The following MCCC1 variants were observed in gnomAD, a reference collection of about 807,000 sequenced individuals.
MCCC1 encodes methylcrotonyl-CoA carboxylase subunit 1, also known as methylcrotonoyl-CoA carboxylase subunit alpha, mitochondrial.
Under a neutral mutation model 83.8 loss-of-function variants are expected in MCCC1, and 64 were observed. That is an observed-to-expected ratio of 0.76 (90% confidence interval 0.62 to 0.94). The LOEUF (loss-of-function observed/expected upper bound fraction) is 0.94, where lower values mean the gene tolerates loss of function less well. Ranked by LOEUF, MCCC1 falls within the 40% of genes least tolerant of loss-of-function variation. The pLI, the probability that MCCC1 is intolerant of heterozygous loss-of-function variation, is 0.00. For missense variants in MCCC1, 807 were observed against 904.7 expected (o/e 0.89, Z 1.39); for synonymous variants, 322 against 315.4 (o/e 1.02, Z -0.22).
intron 4 of MCCC1, among the ~76,000 whole-genome samples, chr3:183,072,891 G>C (rs146815947): frequency 1.3e-5 from 2 of 152,210 alleles, no homozygotes; most frequent in African/African-American, 4.8e-5. Context: ...TTTACTTTCT[G>C]TTTATGAATT....
At position 183,099,409 on chromosome 3, in the gene MCCC1, A is replaced by G. The variant is rs778620637; in HGVS notation, c.32T>C (p.Leu11Pro). Residue 11 changes from leucine to proline, a missense_variant, in exon 1 of 19, where the codon CTG becomes CCG. Leu to Pro is a moderately conservative substitution (Grantham distance 98). Transcript: ENST00000265594. MAAASAVSVL[L>P]VAAERNRWHR... ...CCACCGGTTCCTCTCCGCCGCCACC[A>G]GCAGCACCGACACCGCAGAGGCCGC... The G allele has an allele frequency of 1.1e-5, 18 of 1,607,734 alleles. No individual in the cohort carries two copies. Among genetic ancestry groups the G allele is most frequent in the Non-Finnish European group, 1.5e-5 (18 of 1,178,282 alleles).
chr3:183,034,630 A>C (rs2108464108), intron 13 of MCCC1, among the ~76,000 whole-genome samples: 1 of 152,324 alleles, frequency 6.6e-6, no homozygotes, highest in Non-Finnish European at 1.5e-5. Flanking sequence ...CTCTAATCCC[A>C]TAGTGGCATA....
At chr3:183,021,864 G>A (rs999475083) in intron 16 of MCCC1, among the ~76,000 whole-genome samples, 3 of 152,182 alleles carry the variant, frequency 2.0e-5, no homozygotes, top group Admixed American at 6.5e-5. Flanking sequence ...TGCCCAGGCC[G>A]AAGGTTAAGG....
intron 16 of MCCC1, among the ~76,000 whole-genome samples, chr3:183,021,191 G>A (rs932047024): frequency 2.6e-5 from 4 of 152,096 alleles, no homozygotes; most frequent in Non-Finnish European, 5.9e-5. Flanking sequence ...ACATCATGTC[G>A]TGAATCATCA....
At chr3:183,092,693 A>G in intron 2 of MCCC1, 148 bp from the exon 3 acceptor site, 1 of 870,930 alleles carries the variant, frequency 1.1e-6, no homozygotes, top group South Asian at 1.6e-5. Flanking sequence ...CAAAATGACC[A>G]CTTTAACTAA....
chr3:183,052,485 C>T (rs199980776), intron 8 of MCCC1, among the ~76,000 whole-genome samples: 1 of 152,254 alleles, frequency 6.6e-6, no homozygotes, highest in African/African-American at 2.4e-5. Context: ...CTGGTGTCAA[C>T]AAAACGACTT....
intron 16 of MCCC1, among the ~76,000 whole-genome samples, chr3:183,020,743 C>T (rs1009587072): frequency 2.8e-4 from 42 of 152,044 alleles, no homozygotes; most frequent in African/African-American, 9.4e-4. Context: ...AAAGGCGTAA[C>T]GGTATACATG....
At chr3:183,087,761 C>G (rs889209980) in intron 3 of MCCC1, among the ~76,000 whole-genome samples, 3 of 121,654 alleles carry the variant, frequency 2.5e-5, no homozygotes, top group African/African-American at 9.7e-5. Context: ...GTCCCAGCTA[C>G]TCGGGAGGCT....
chr3:183,016,958 G>A (rs554888964), intron 18 of MCCC1: 2 of 417,530 alleles, frequency 4.8e-6, no homozygotes, highest in South Asian at 4.6e-5. Context: ...AACACCAACA[G>A]TTAACATTCA....
intron 14 of MCCC1, among the ~76,000 whole-genome samples, chr3:183,028,897 A>C (rs1257507852): frequency 6.6e-6 from 1 of 152,252 alleles, no homozygotes. Context: ...ACATTGAGGC[A>C]AGACCCTATG....
At chr3:183,078,708 G>C (rs1227034909) in intron 4 of MCCC1, among the ~76,000 whole-genome samples, 1 of 152,118 alleles carries the variant, frequency 6.6e-6, no homozygotes, top group Non-Finnish European at 1.5e-5. Context: ...TTCTGAATTT[G>C]ATGGAACTTT....
chr3:183,020,367 CA>C (rs1226877022), intron 16 of MCCC1, 130 bp from the exon 17 acceptor site: 1 of 795,186 alleles, frequency 1.3e-6, no homozygotes, highest in Non-Finnish European at 2.1e-6. Flanking sequence ...CCCAGTGGCT[CA>C]CGATTGTAAA....
intron 8 of MCCC1, among the ~76,000 whole-genome samples, chr3:183,054,476 C>T (rs1315097908): frequency 6.6e-6 from 1 of 152,206 alleles, no homozygotes; most frequent in African/African-American, 2.4e-5. Context: ...CGTGAGCCAC[C>T]GCGCCCGGCC....
chr3:183,093,997 A>G (rs926465208), intron 2 of MCCC1, among the ~76,000 whole-genome samples: 1 of 152,030 alleles, frequency 6.6e-6, no homozygotes, highest in African/African-American at 2.4e-5. Context: ...GAACAAACGA[A>G]TATAAAATGT....
chr3:183,101,927 C>T (rs374069020), upstream of MCCC1, among the ~76,000 whole-genome samples: 9 of 152,252 alleles, frequency 5.9e-5, no homozygotes, highest in South Asian at 2.1e-4. Context: ...AGGTCTGCAG[C>T]TTCACTCCTG....
intron 4 of MCCC1, among the ~76,000 whole-genome samples, chr3:183,077,012 C>T (rs1717125966): frequency 6.6e-6 from 1 of 152,120 alleles, no homozygotes; most frequent in Non-Finnish European, 1.5e-5. Context: ...CTGGCTCTGT[C>T]ACTGAACGTA....
chr3:183,075,051 T>A (rs530932213), intron 4 of MCCC1, among the ~76,000 whole-genome samples: 2 of 152,376 alleles, frequency 1.3e-5, no homozygotes, highest in South Asian at 4.1e-4. Flanking sequence ...TGTGATCTTA[T>A]GCTTTATTAT....
At chr3:183,101,038 C>T (rs527549061), upstream of MCCC1, among the ~76,000 whole-genome samples, 3 of 152,380 alleles carry the variant, frequency 2.0e-5, no homozygotes, top group Non-Finnish European at 4.4e-5. Context: ...ACTTAGCACC[C>T]GGGCCAGTGG....
intron 1 of MCCC1, among the ~76,000 whole-genome samples, chr3:183,098,220 C>T (rs896779462): frequency 1.3e-5 from 2 of 152,236 alleles, no homozygotes; most frequent in African/African-American, 2.4e-5. Flanking sequence ...TGAGCTACCG[C>T]GCCCCGCCAA....
Sources: allele counts gnomAD v4.1 joint callset (sites outside exome capture counted in the v4.1 genomes callset), GRCh38; gene constraint gnomAD v4.1.1; transcripts MANE v1.5; gene names NCBI Gene and HGNC (gene_info 2026-07-23, HGNC 2026-07-21).